The following CCDC9 variants were observed in gnomAD, a reference collection of about 807,000 sequenced individuals.
CCDC9 encodes the protein coiled-coil domain containing 9.
Under a neutral mutation model 65.6 loss-of-function variants are expected in CCDC9, and 52 were observed. The observed-to-expected ratio is 0.79, with a 90% CI of 0.63 to 1.00. CCDC9 has a LOEUF of 1.00. Among genes scored for constraint, CCDC9 ranks in the 50% least tolerant of loss-of-function variants. The probability of loss-of-function intolerance (pLI) is 0.00; values close to 1 mark genes in which losing one functional copy is unlikely to be tolerated. For missense variants in CCDC9, 834 were observed against 757.2 expected (o/e 1.10, Z -1.19); for synonymous variants, 332 against 280.3 (o/e 1.18, Z -1.84).
At chr19:47,275,441 TC>T (rs1416869869), downstream of CCDC9, 2 of 1,424,328 alleles carry the variant, frequency 1.4e-6, no homozygotes, top group African/African-American at 3.0e-5. Context: ...CCGGCCTTCT[TC>T]CTAATGACAT....
At chr19:47,266,475 C>T in intron 7 of CCDC9, 136 bp from the exon 8 acceptor site, 16 of 1,361,552 alleles carry the variant, frequency 1.2e-5, no homozygotes, top group Non-Finnish European at 1.5e-5. Context: ...GGAGGTGCCA[C>T]CTGAGCCTAG....
At chr19:47,271,218 C>T (rs1005042766) in intron 11 of CCDC9, 31 bp downstream of exon 11, 1 of 1,607,138 alleles carries the variant, frequency 6.2e-7, no homozygotes, top group East Asian at 2.2e-5. Context: ...AGGGCACGGG[C>T]CTGGGGTGGG....
chr19:47,274,929 A>G, downstream of CCDC9: 1 of 1,323,552 alleles, frequency 7.6e-7, no homozygotes, highest in Non-Finnish European at 9.5e-7. Context: ...GATGCGGGGG[A>G]CCAGCTGCGT....
rs2059086172 is a variant in CCDC9, at chr19:47,266,941, C to T, written c.902+149C>T. ...ATGCCATGGACCAGCTGCTGGAGCT[C>T]AGCGGCACGTGAGAGCATTTCTGGT... On this transcript the variant is annotated intron_variant, in intron 8 of 11. Coordinates refer to ENST00000221922, the MANE Select transcript of CCDC9 (RefSeq NM_015603.3). The T allele has an allele frequency of 3.2e-6, 3 of 930,258 alleles. 1 individual carries two copies. The highest frequency in any genetic ancestry group is 4.7e-6 in the Non-Finnish European group (3 of 638,322). The allele number at this position is 930,258 out of a possible 1,614,324, so 57.6% of individuals were successfully genotyped here.
chr19:47,272,201 TCCTC>T, downstream of CCDC9: 1 of 1,198,474 alleles, frequency 8.3e-7, no homozygotes, highest in Non-Finnish European at 1.0e-6. Flanking sequence ...GGCCGCTGCT[TCCTC>T]TTTCTCTGGG....
rs144536796 is a variant in CCDC9, at chr19:47,270,568, C to T, written c.965C>T (p.Ala322Val). Reference sequence around the variant, plus strand: ...TCTGTTGCAGATGACCAGGCCTGGGCCCGGCCCCCGAAGCCCCCTACTTTT... The same window carrying T: ...TCTGTTGCAGATGACCAGGCCTGGGTCCGGCCCCCGAAGCCCCCTACTTTT... ...PSHRYDDQAW[A>V]RPPKPPTFGE... Residue 322 changes from alanine to valine, a missense_variant, in exon 10 of 12, where the codon GCC (alanine) becomes GTC (valine). Physicochemically the swap from Ala to Val is moderately conservative, Grantham distance 64. Transcript: ENST00000221922. 5 of 1,614,054 alleles carry T rather than the reference C, an allele frequency of 3.1e-6. No individual in the cohort carries two copies. The highest frequency in any genetic ancestry group is 4.2e-6 in the Non-Finnish European group (5 of 1,180,018).
chr19:47,263,830 C>G (rs1378631692), intron 5 of CCDC9, among the ~76,000 whole-genome samples: 1 of 151,796 alleles, frequency 6.6e-6, no homozygotes, highest in African/African-American at 2.4e-5. Context: ...TTCCAAAGTG[C>G]TGGGAATACA....
At chr19:47,266,868 C>G in intron 8 of CCDC9, 76 bp downstream of exon 8, 1 of 1,502,890 alleles carries the variant, frequency 6.7e-7, no homozygotes. Flanking sequence ...ATGCCTCTCT[C>G]TGGTTTTTCC....
At chr19:47,258,249 G>T in intron 1 of CCDC9, 81 bp from the exon 2 acceptor site, 2 of 762,170 alleles carry the variant, frequency 2.6e-6, no homozygotes, top group Non-Finnish European at 4.5e-6. Flanking sequence ...GTGTATGGCT[G>T]TGAGGATCCC....
In CCDC9 at chr19:47,260,697, G is replaced by A. The variant is rs376079362; in HGVS notation, c.320G>A (p.Arg107Gln). Residue 107 changes from arginine to glutamine, a missense_variant, in exon 5 of 12, where the codon CGA (arginine) becomes CAA (glutamine). Physicochemically the swap from Arg to Gln is conservative, Grantham distance 43. Coordinates refer to ENST00000221922, the MANE Select transcript of CCDC9 (RefSeq NM_015603.3). ...CAGGGAGGCCGGGCCGGCATGGGCC[G>A]AGCATCGCGCAGCTGGGAGGGCAGC... ...PQQGGRAGMG[R>Q]ASRSWEGSPG... is the part of the protein sequence containing the mutation. The A allele has an allele frequency of 7.0e-6, 11 of 1,566,024 alleles. No homozygotes were observed. The highest frequency in any genetic ancestry group is 4.1e-5 in the African/African-American group (3 of 73,276).
At chr19:47,274,259 G>A (rs2059142053), downstream of CCDC9, among the ~76,000 whole-genome samples, 1 of 151,958 alleles carries the variant, frequency 6.6e-6, no homozygotes, top group African/African-American at 2.4e-5. Flanking sequence ...CCGCGGGGGC[G>A]GAGCTAGGCT....
At chr19:47,264,232 C>T (rs1213945297) in intron 5 of CCDC9, among the ~76,000 whole-genome samples, 2 of 152,172 alleles carry the variant, frequency 1.3e-5, no homozygotes, top group Non-Finnish European at 2.9e-5. Flanking sequence ...CCTAGTCTGG[C>T]CTTGAACTCC....
In CCDC9 at chr19:47,266,604, G is replaced by A. The variant is rs758347882; in HGVS notation, c.721-7G>A. 3.3e-6 allele frequency: 5 copies of A among 1,518,058 alleles called. No individual in the cohort carries two copies. The highest frequency in any genetic ancestry group is 2.1e-5 in the Admixed American group (1 of 48,504). The allele number at this position is 1,518,058 out of a possible 1,614,324, so 94.0% of individuals were successfully genotyped here. A position where few individuals can be genotyped will look rare whatever the true frequency, so the allele number is the denominator to read the frequency against. On this transcript the variant is annotated splice_polypyrimidine_tract_variant and splice_region_variant and intron_variant, in intron 7 of 11. Transcript: ENST00000221922. The stretch of plus-strand genomic sequence containing the variant: ...ATCACCCTGACTCCCTGTGGGCTGG[G>A]GGGCAGGGCCGCCGAGCTGGCCTGG...
rs765668773 is a variant in CCDC9, at chr19:47,264,875, C to T, written c.649C>T (p.Arg217Cys). The T allele has an allele frequency of 1.4e-4, 210 of 1,482,000 alleles. No individual in the cohort carries two copies. Among genetic ancestry groups the T allele is most frequent in the Non-Finnish European group, 1.7e-4 (185 of 1,118,458 alleles). The allele number at this position is 1,482,000 out of a possible 1,614,324, so 91.8% of individuals were successfully genotyped here. ...TGAGCGGGACCGCCGGGAGGAGAGCCGCCGGCACGGCCGCAACTGGGGGGG... is the reference window on the plus strand; with the variant it reads ...TGAGCGGGACCGCCGGGAGGAGAGCTGCCGGCACGGCCGCAACTGGGGGGG... ...ESERDRREES[R>C]RHGRNWGGPD... Residue 217 changes from arginine to cysteine, a missense_variant, in exon 7 of 12, where the codon CGC (arginine) becomes TGC (cysteine). Transcript: ENST00000221922.
rs113328209 is a variant in CCDC9 at position 47,258,545 on chromosome 19, C to T, written c.4-14C>T. 13 of 1,611,548 alleles carry T rather than the reference C, an allele frequency of 8.1e-6. No individual in the cohort carries two copies. Among genetic ancestry groups the T allele is most frequent in the African/African-American group, 5.3e-5 (4 of 74,970 alleles). The stretch of plus-strand genomic sequence containing the variant: ...GGTTTTTCCTTCCATCCCTCAACTG[C>T]CTCCCGGTCTCAGGCAGCCACACTC... On this transcript the variant is annotated splice_polypyrimidine_tract_variant and intron_variant, in intron 2 of 11. Coordinates refer to ENST00000221922, the MANE Select transcript of CCDC9 (RefSeq NM_015603.3).
chr19:47,261,290 T>G (rs1203806284), intron 5 of CCDC9, among the ~76,000 whole-genome samples: 1 of 152,152 alleles, frequency 6.6e-6, no homozygotes, highest in Non-Finnish European at 1.5e-5. Context: ...CTATCTGGTG[T>G]GCTTGTGAGC....
At chr19:47,261,775 C>T (rs2059047617) in intron 5 of CCDC9, among the ~76,000 whole-genome samples, 1 of 148,490 alleles carries the variant, frequency 6.7e-6, no homozygotes, top group Non-Finnish European at 1.5e-5. Context: ...AATCCCAGCA[C>T]TTTGGGAGGC....
chr19:47,266,591 C>T lies in CCDC9; in HGVS notation c.721-20C>T. 1 of 1,504,304 alleles carries T rather than the reference C, an allele frequency of 6.6e-7. No individual in the cohort carries two copies. Among genetic ancestry groups the T allele is most frequent in the Non-Finnish European group, 8.9e-7 (1 of 1,119,710 alleles). 93.2% of individuals were successfully genotyped at this position (1,504,304 alleles called of 1,614,324 possible). A position where few individuals can be genotyped will look rare whatever the true frequency, so the allele number is the denominator to read the frequency against. ...TAGGGTGCGGGACATCACCCTGACTCCCTGTGGGCTGGGGGGCAGGGCCGC... is the reference window on the plus strand; with the variant it reads ...TAGGGTGCGGGACATCACCCTGACTTCCTGTGGGCTGGGGGGCAGGGCCGC... On this transcript the variant is annotated intron_variant, in intron 7 of 11. Transcript: ENST00000221922.
Position 47,271,564 on chromosome 19 carries a change from C to T in CCDC9, c.1482C>T (p.Ser494=), listed in dbSNP as rs756621192. The T allele has an allele frequency of 1.9e-5, 31 of 1,613,104 alleles. No homozygotes were observed. Among genetic ancestry groups the T allele is most frequent in the African/African-American group, 9.3e-5 (7 of 74,896 alleles). The change falls in exon 12 of 12, where the codon AGC becomes AGT. Residue 494 remains serine, a synonymous_variant. Transcript: ENST00000221922. Reference sequence around the variant, plus strand: ...CTTCCAGCCCTTTCTCACCACCCAGCGGCCACCAGCCTGTGTCCGATTGGG... The same window carrying T: ...CTTCCAGCCCTTTCTCACCACCCAGTGGCCACCAGCCTGTGTCCGATTGGG... ...GTPSSPFSPP[S]GHQPVSDWGE...
Sources: gnomAD v4.1 joint callset for allele counts (sites outside exome capture counted in the v4.1 genomes callset) on GRCh38, gnomAD v4.1.1 for gene constraint, MANE v1.5 for transcripts, NCBI Gene and HGNC (gene_info 2026-07-23, HGNC 2026-07-21) for gene names.